NTN4: variants seen among roughly 807,000 people sequenced by gnomAD.
The protein encoded by NTN4 is netrin-4.
In NTN4, 32 loss-of-function variants were observed where a neutral mutation model predicts 73.6. That is an observed-to-expected ratio of 0.44 (90% CI 0.33 to 0.58). NTN4 has a LOEUF of 0.58. Among genes scored for constraint, NTN4 ranks in the 20% least tolerant of loss-of-function variants. The pLI, the probability that NTN4 is intolerant of heterozygous loss-of-function variation, is 0.04. For synonymous variants in NTN4, 258 were observed against 287.5 expected (o/e 0.90, Z 1.04); for missense variants, 654 against 798.3 (o/e 0.82, Z 2.18).
intron 7 of NTN4, chr12:95,671,202 T>A (rs2078227389): frequency 6.6e-6 from 1 of 152,232 alleles, no homozygotes; most frequent in South Asian, 2.1e-4. Context: ...TTTCACCATA[T>A]TGGTCAAGCT....
chr12:95,697,123 T>G (rs916755905), intron 5 of NTN4, among the ~76,000 whole-genome samples: 1 of 151,700 alleles, frequency 6.6e-6, no homozygotes, highest in Non-Finnish European at 1.5e-5. Flanking sequence ...TGCAGTGAGC[T>G]GTGATCATGC....
intron 3 of NTN4, among the ~76,000 whole-genome samples, chr12:95,730,781 G>A (rs974381858): frequency 6.6e-6 from 1 of 152,182 alleles, no homozygotes; most frequent in African/African-American, 2.4e-5. Context: ...TAAGGATTGA[G>A]GATAGGCTCA....
chr12:95,688,329 G>C (rs912088476), intron 5 of NTN4, among the ~76,000 whole-genome samples: 2 of 152,140 alleles, frequency 1.3e-5, no homozygotes, highest in Non-Finnish European at 2.9e-5. Flanking sequence ...AGAAAGAGTT[G>C]TTGAGGGACA....
chr12:95,765,898 A>G (rs2079018209), intron 2 of NTN4, among the ~76,000 whole-genome samples: 1 of 152,198 alleles, frequency 6.6e-6, no homozygotes, highest in Non-Finnish European at 1.5e-5. Flanking sequence ...TGAGTGTGCA[A>G]TGAGAGAGAT....
intron 3 of NTN4, among the ~76,000 whole-genome samples, chr12:95,730,933 C>G (rs2078732555): frequency 6.6e-6 from 1 of 152,182 alleles, no homozygotes; most frequent in Non-Finnish European, 1.5e-5. Flanking sequence ...TTTTCATCAG[C>G]AGCAAAAATG....
intron 2 of NTN4, among the ~76,000 whole-genome samples, chr12:95,747,389 T>A (rs1475566991): frequency 6.6e-6 from 1 of 152,182 alleles, no homozygotes; most frequent in Admixed American, 6.5e-5. Flanking sequence ...CAATCATAGC[T>A]CACCACAGCC....
At chr12:95,672,833 A>T in intron 7 of NTN4, 1 of 1,364,872 alleles carries the variant, frequency 7.3e-7, no homozygotes, top group Non-Finnish European at 1.0e-6. Context: ...CAGATCAAGG[A>T]AGGGAAATGG....
chr12:95,670,316 CTCTT>C (rs1353942103), intron 7 of NTN4, among the ~76,000 whole-genome samples, 170 bp from the exon 8 acceptor site: 3 of 152,194 alleles, frequency 2.0e-5, no homozygotes, highest in African/African-American at 7.2e-5. Flanking sequence ...GAAGTAGAGT[CTCTT>C]TCTAAATTAG....
chr12:95,773,165 A>G (rs757424274), intron 2 of NTN4, among the ~76,000 whole-genome samples: 1 of 151,948 alleles, frequency 6.6e-6, no homozygotes, highest in Non-Finnish European at 1.5e-5. Context: ...CACCACGCCC[A>G]GCTAATTTTT....
chr12:95,706,856 T>C (rs987398956), intron 5 of NTN4, among the ~76,000 whole-genome samples: 1 of 152,170 alleles, frequency 6.6e-6, no homozygotes, highest in East Asian at 1.9e-4. Context: ...TCTCAAACTT[T>C]ACTGTGCATC....
At chr12:95,707,135 A>G (rs1383363889) in intron 5 of NTN4, among the ~76,000 whole-genome samples, 1 of 152,202 alleles carries the variant, frequency 6.6e-6, no homozygotes, top group Admixed American at 6.5e-5. Context: ...ACTAAGTCAG[A>G]CCATGCCACT....
At chr12:95,735,666 A>C (rs373641886) in intron 3 of NTN4, among the ~76,000 whole-genome samples, 1 of 152,124 alleles carries the variant, frequency 6.6e-6, no homozygotes, top group African/African-American at 2.4e-5. Context: ...TTACAGGCTG[A>C]TAATTTTCTT....
chr12:95,738,866 TG>T (rs780549762), intron 2 of NTN4, among the ~76,000 whole-genome samples: 2 of 152,162 alleles, frequency 1.3e-5, no homozygotes, highest in African/African-American at 2.4e-5. Context: ...CTGCAGCTCA[TG>T]GTCTAGCCAG....
At chr12:95,707,208 C>A (rs891235423) in intron 5 of NTN4, among the ~76,000 whole-genome samples, 5 of 152,176 alleles carry the variant, frequency 3.3e-5, no homozygotes, top group Non-Finnish European at 5.9e-5. Context: ...GGTGAGCTTA[C>A]AGTGGCTCAT....
intron 3 of NTN4, among the ~76,000 whole-genome samples, chr12:95,728,139 T>C (rs1407657078): frequency 6.6e-6 from 1 of 152,208 alleles, no homozygotes; most frequent in Non-Finnish European, 1.5e-5. Flanking sequence ...TTTTGAAATG[T>C]TGATCTTGTA....
At chr12:95,708,201 A>G (rs2078534377) in intron 5 of NTN4, among the ~76,000 whole-genome samples, 2 of 151,990 alleles carry the variant, frequency 1.3e-5, no homozygotes, top group Non-Finnish European at 2.9e-5. Flanking sequence ...TTTCTGGCTT[A>G]TAGGACATGA....
rs1162450466 is a variant in NTN4, at chr12:95,672,128, C to G, written c.1511-1982G>C. On this transcript the variant is annotated intron_variant, in intron 7 of 9. Coordinates refer to ENST00000343702, the MANE Select transcript of NTN4 (RefSeq NM_021229.4). ...TTGAGCCCAGGAGTCTAAGACCAGGCTAGGTAACGTAGTAAGACATTGTCT... is the reference window on the plus strand; with the variant it reads ...TTGAGCCCAGGAGTCTAAGACCAGGGTAGGTAACGTAGTAAGACATTGTCT... 5.8e-5 allele frequency: 23 copies of G among 395,680 alleles called. No individual in the cohort carries two copies. The Admixed American group carries it at 8.3e-4, about 14-fold the overall frequency. 24.5% of individuals were successfully genotyped at this position (395,680 alleles called of 1,614,324 possible).
chr12:95,682,057 CTTTT>C lies in NTN4; in HGVS notation c.1510+646_1510+649del, dbSNP rs557973212. ...TTCCAAACCTAATATATTCAGTAGGCTTTTTTTTTTTTTTTTTTTTTTTGAGACA... is the reference window on the plus strand; with the variant it reads ...TTCCAAACCTAATATATTCAGTAGGCTTTTTTTTTTTTTTTTTTTGAGACA... On this transcript the variant is annotated intron_variant, in intron 7 of 9. Coordinates refer to ENST00000343702, the MANE Select transcript of NTN4 (RefSeq NM_021229.4). 0.017 allele frequency among the ~76,000 whole-genome samples: 1,100 copies of C among 64,536 alleles called. 57 individuals are homozygous for C. In the East Asian group the frequency reaches 0.32, roughly 19 times the overall value. The allele number at this position is 64,536 out of a possible 152,430, so 42.3% of individuals were successfully genotyped here.
At chr12:95,769,045 G>A (rs1481510677) in intron 2 of NTN4, among the ~76,000 whole-genome samples, 1 of 152,178 alleles carries the variant, frequency 6.6e-6, no homozygotes, top group Non-Finnish European at 1.5e-5. Flanking sequence ...GAGATGTCAG[G>A]GAGAAGAGAG....
Sources: gnomAD v4.1 joint callset for allele counts (sites outside exome capture counted in the v4.1 genomes callset) on GRCh38, gnomAD v4.1.1 for gene constraint, MANE v1.5 for transcripts, NCBI Gene and HGNC (gene_info 2026-07-23, HGNC 2026-07-21) for gene names.